Variants in CFAP46 observed in about 807,000 individuals in gnomAD.
The protein encoded by CFAP46 is cilia and flagella associated protein 46.
A neutral mutation model predicts 325.7 loss-of-function variants in CFAP46; 245 were observed. The observed-to-expected ratio is 0.75, with a 90% confidence interval of 0.68 to 0.84. The LOEUF is 0.84. CFAP46 is among the 40% of genes least tolerant of loss of function. The pLI, the probability that CFAP46 is intolerant of heterozygous loss-of-function variation, is 0.00. For synonymous variants in CFAP46, 1,523 were observed against 1,495.9 expected (o/e 1.02, Z -0.42); for missense variants, 3,346 against 3,543.0 (o/e 0.94, Z 1.41).
chr10:132,862,935 G>A (rs1848744504), intron 35 of CFAP46, among the ~76,000 whole-genome samples: 2 of 152,126 alleles, frequency 1.3e-5, no homozygotes, highest in South Asian at 4.1e-4. Context: ...GCAAAGTTGA[G>A]GACGGGAGGT....
intron 15 of CFAP46, 109 bp from the exon 16 acceptor site, chr10:132,918,629 G>A (rs1414745321): frequency 2.2e-6 from 3 of 1,366,056 alleles, no homozygotes; most frequent in South Asian, 3.4e-5. Context: ...CCAGCTCCGT[G>A]TAGGGTCCGC....
rs1333038340 is a variant in CFAP46, at chr10:132,832,277, G to A, written c.7117+1081C>T. On this transcript the variant is annotated intron_variant, in intron 50 of 57. Coordinates refer to ENST00000368586, the MANE Select transcript of CFAP46 (RefSeq NM_001200049.3). The surrounding 1 kb of genome is among the most constrained non-coding windows in gnomAD (Gnocchi z 4.1). ...GGGCTCTGCAGATCTCGGAGTGGCC[G>A]TTCCTTGCAGCTCTCTCCTTCCAGG... is the stretch of plus-strand genomic sequence containing the variant. Among the ~76,000 whole-genome samples the A allele has an allele frequency of 2.0e-5, 3 of 152,012 alleles. No homozygotes were observed. The highest frequency in any genetic ancestry group is 1.9e-4 in the East Asian group (1 of 5,174).
At position 132,856,439 on chromosome 10, in the gene CFAP46, C is replaced by T. The variant is rs148974142; in HGVS notation, c.5574+1151G>A. Among the ~76,000 whole-genome samples the T allele has an allele frequency of 5.9e-4, 90 of 152,340 alleles. 1 individual carries two copies. Among genetic ancestry groups the T allele is most frequent in the African/African-American group, 2.1e-3 (89 of 41,578 alleles). Reference sequence around the variant, plus strand: ...TATTCTGTTTATTCTACTTTCTCCTCTTCTCCCAGGATTCCAATTACACCT... The same window carrying T: ...TATTCTGTTTATTCTACTTTCTCCTTTTCTCCCAGGATTCCAATTACACCT... On this transcript the variant is annotated intron_variant, in intron 39 of 57. Transcript: ENST00000368586.
In CFAP46 at chr10:132,877,864, G is replaced by A; in HGVS notation, c.4212+17C>T. The A allele has an allele frequency of 6.5e-7, 1 of 1,548,092 alleles. No individual in the cohort carries two copies. Among genetic ancestry groups the A allele is most frequent in the Non-Finnish European group, 8.7e-7 (1 of 1,146,760 alleles). On this transcript the variant is annotated intron_variant, in intron 30 of 57. Transcript: ENST00000368586. This position sits in a 1 kb window ranked among gnomAD's most constrained non-coding sequence, Gnocchi z 5.7. ...ATCCTGGGCCCGGCCTCTGCACCGTGGCCACTTGGGCATCACCTGCTTGGG... is the reference window on the plus strand; with the variant it reads ...ATCCTGGGCCCGGCCTCTGCACCGTAGCCACTTGGGCATCACCTGCTTGGG...
At chr10:132,894,344 G>T (rs563452833) in intron 24 of CFAP46, among the ~76,000 whole-genome samples, 79 of 152,284 alleles carry the variant, frequency 5.2e-4, no homozygotes, top group African/African-American at 1.9e-3. Context: ...AAACTTACGG[G>T]AGGCAGTGAG....
At chr10:132,831,940 T>G (rs1348297988) in intron 50 of CFAP46, among the ~76,000 whole-genome samples, 1 of 152,188 alleles carries the variant, frequency 6.6e-6, no homozygotes, top group Non-Finnish European at 1.5e-5. Flanking sequence ...TACTTGAGGA[T>G]GTATAGTTTA....
intron 39 of CFAP46, 103 bp from the exon 40 acceptor site, chr10:132,851,408 A>T (rs1200076440): frequency 9.1e-7 from 1 of 1,101,722 alleles, no homozygotes; most frequent in Non-Finnish European, 1.3e-6. Context: ...GAAACTCATA[A>T]CAAACTGCGC....
rs1366893382 is a variant in CFAP46 at position 132,832,541 on chromosome 10, T to TG, written c.7117+816dup. On this transcript the variant is annotated intron_variant, in intron 50 of 57. Transcript: ENST00000368586. This position sits in a 1 kb window ranked among gnomAD's most constrained non-coding sequence, Gnocchi z 4.1. ...AACCCTCATTTCATGTGCTTTTCTC[T>TG]GGTTTTTATTTGTCTCAGCTGGAAG... The TG allele has an allele frequency of 6.0e-6, 2 of 331,552 alleles. No individual in the cohort carries two copies. Among genetic ancestry groups the TG allele is most frequent in the African/African-American group, 4.4e-5 (2 of 45,932 alleles). The allele number at this position is 331,552 out of a possible 1,614,324, so 20.5% of individuals were successfully genotyped here. A position where few individuals can be genotyped will look rare whatever the true frequency, so the allele number is the denominator to read the frequency against.
At chr10:132,846,028 C>A in intron 44 of CFAP46, 29 bp downstream of exon 44, 1 of 1,587,582 alleles carries the variant, frequency 6.3e-7, no homozygotes, top group Non-Finnish European at 8.5e-7. Context: ...GAGCTGGGGG[C>A]AGGTTCAGCG....
In CFAP46 at chr10:132,817,214, A is replaced by G. The variant is rs1367067473; in HGVS notation, c.7118-2300T>C. 6.6e-6 allele frequency among the ~76,000 whole-genome samples: 1 copy of G among 152,204 alleles called. No individual in the cohort carries two copies. The highest frequency in any genetic ancestry group is 1.5e-5 in the Non-Finnish European group (1 of 68,038). On this transcript the variant is annotated intron_variant, in intron 50 of 57. Transcript: ENST00000368586. The surrounding 1 kb of genome is among the most constrained non-coding windows in gnomAD (Gnocchi z 4.4). ...CTGAGGAGGCGAACTTTCGATTCTC[A>G]TGATGTCCATGTCCCTAATAATGCC...
chr10:132,931,066 C>G (rs1181676668), intron 8 of CFAP46, among the ~76,000 whole-genome samples: 1 of 109,698 alleles, frequency 9.1e-6, no homozygotes, highest in East Asian at 3.2e-4. Context: ...CCTGGGCCTC[C>G]CTCCTCTCCA....
intron 28 of CFAP46, 74 bp downstream of exon 28, chr10:132,880,787 C>T: frequency 6.7e-7 from 1 of 1,493,224 alleles, no homozygotes; most frequent in Non-Finnish European, 9.0e-7. Flanking sequence ...CAACGGCGGT[C>T]CAGATCACGG....
At chr10:132,862,736 A>G (rs1848741301) in intron 35 of CFAP46, among the ~76,000 whole-genome samples, 2 of 149,510 alleles carry the variant, frequency 1.3e-5, no homozygotes, top group African/African-American at 5.0e-5. Flanking sequence ...CGCGGAGGAG[A>G]GACCAGGGTG....
rs1233206555 is a variant in CFAP46, at chr10:132,880,765, C to T, written c.3799+96G>A. 1.1e-5 allele frequency: 16 copies of T among 1,412,108 alleles called. No individual in the cohort carries two copies. In the Middle Eastern group the frequency reaches 7.5e-4, roughly 66 times the overall value. 87.5% of individuals were successfully genotyped at this position (1,412,108 alleles called of 1,614,324 possible). On this transcript the variant is annotated intron_variant, in intron 28 of 57. Coordinates refer to ENST00000368586, the MANE Select transcript of CFAP46 (RefSeq NM_001200049.3). The stretch of plus-strand genomic sequence containing the variant: ...TCCTGGCCTCCAAAGCCTGCACAGA[C>T]ACATGGATACCCAACGGCGGTCCAG...
chr10:132,854,921 ATT>A (rs60827647), intron 39 of CFAP46, among the ~76,000 whole-genome samples: 54,357 of 151,674 alleles, frequency 0.36, 10,458 homozygotes, highest in Admixed American at 0.51. Flanking sequence ...TTTTAAAATT[ATT>A]GAGACTTGTT....
intron 35 of CFAP46, 109 bp from the exon 36 acceptor site, chr10:132,861,091 A>G: frequency 9.1e-7 from 1 of 1,101,546 alleles, no homozygotes; most frequent in Admixed American, 2.1e-5. Flanking sequence ...GCAGAGACAG[A>G]CAGACGCACC....
At chr10:132,859,295 C>T (rs1387974697) in intron 37 of CFAP46, 48 bp from the exon 38 acceptor site, 3 of 1,489,482 alleles carry the variant, frequency 2.0e-6, no homozygotes, top group Non-Finnish European at 2.7e-6. Context: ...CCCAGGGCCG[C>T]GTCAGGGCTT....
Position 132,924,600 on chromosome 10 carries a change from T to C in CFAP46, c.1256+96A>G, listed in dbSNP as rs1849778032. ...AGGGGGAGTCTGTTGCTTGTGGCACTGTCATGGCAAGGGGGCTTGGGCCAC... is the reference window on the plus strand; with the variant it reads ...AGGGGGAGTCTGTTGCTTGTGGCACCGTCATGGCAAGGGGGCTTGGGCCAC... On this transcript the variant is annotated intron_variant, in intron 11 of 57. Transcript: ENST00000368586. 14 of 1,220,098 alleles carry C rather than the reference T, an allele frequency of 1.1e-5. No individual in the cohort carries two copies. In the South Asian group the frequency reaches 2.3e-4, roughly 20 times the overall value. 75.6% of individuals were successfully genotyped at this position (1,220,098 alleles called of 1,614,324 possible). A position where few individuals can be genotyped will look rare whatever the true frequency, so the allele number is the denominator to read the frequency against.
At chr10:132,934,431 G>A (rs1025950642) in intron 8 of CFAP46, among the ~76,000 whole-genome samples, 1 of 152,198 alleles carries the variant, frequency 6.6e-6, no homozygotes, top group Admixed American at 6.5e-5. Context: ...GCCTGAAAAA[G>A]GCTCCAGAGA....
Sources: allele counts gnomAD v4.1 joint callset (sites outside exome capture counted in the v4.1 genomes callset), GRCh38; gene constraint gnomAD v4.1.1; non-coding constraint Gnocchi (gnomAD v3.1); transcripts MANE v1.5; gene names NCBI Gene and HGNC (gene_info 2026-07-23, HGNC 2026-07-21).